Variants in PYGL observed in about 807,000 individuals in gnomAD.
PYGL encodes glycogen phosphorylase L.
Under a neutral mutation model 100.1 loss-of-function variants are expected in PYGL, and 90 were observed. That is an observed-to-expected ratio of 0.90 (90% CI 0.76 to 1.07). The LOEUF (loss-of-function observed/expected upper bound fraction) is 1.07, where lower values mean the gene tolerates loss of function less well. Among genes scored for constraint, PYGL ranks in the 50% least tolerant of loss-of-function variants. The pLI is 0.00. For synonymous variants in PYGL, 373 were observed against 393.0 expected (o/e 0.95, Z 0.60); for missense variants, 1,016 against 1,057.6 (o/e 0.96, Z 0.55).
chr14:50,935,064 T>A, intron 3 of PYGL, 43 bp downstream of exon 3: 1 of 1,548,614 alleles, frequency 6.5e-7, no homozygotes, highest in Non-Finnish European at 8.9e-7. Context: ...CTGAGATGTC[T>A]TCAATCGGCC....
At chr14:50,907,896 A>T (rs577979090) in intron 19 of PYGL, among the ~76,000 whole-genome samples, 1 of 151,998 alleles carries the variant, frequency 6.6e-6, no homozygotes, top group African/African-American at 2.4e-5. Flanking sequence ...AAATACAAAA[A>T]TTAGCTAAGT....
chr14:50,916,637 C>G lies in PYGL; in HGVS notation c.1092+5G>C, dbSNP rs748254127. The G allele has an allele frequency of 1.9e-6, 3 of 1,607,798 alleles. No individual in the cohort carries two copies. The African/African-American group carries it at 4.0e-5, about 21-fold the overall frequency. On this transcript the variant is annotated splice_donor_5th_base_variant and intron_variant, in intron 9 of 19. Transcript: ENST00000216392. ...TAAAGGAAAAAGAAGCCAAACTATCCAGACCTTGGACCAGGGCAGTTTTTC... is the reference window on the plus strand; with the variant it reads ...TAAAGGAAAAAGAAGCCAAACTATCGAGACCTTGGACCAGGGCAGTTTTTC...
chr14:50,920,624 C>A lies in PYGL; in HGVS notation c.773-1G>T. On this transcript the variant is annotated splice_acceptor_variant, in intron 6 of 19. Coordinates refer to ENST00000216392, the MANE Select transcript of PYGL (RefSeq NM_002863.5). LOFTEE classifies it high-confidence loss of function. ...GCCTGAATGTAGTCTCCAACATTAA[C>A]TAGGGGAAAGTTAGAGAAACAATAA... The A allele has an allele frequency of 6.2e-7, 1 of 1,607,944 alleles. No individual in the cohort carries two copies. The highest frequency in any genetic ancestry group is 8.5e-7 in the Non-Finnish European group (1 of 1,174,460).
At chr14:50,932,371 A>G (rs74051863) in intron 3 of PYGL, among the ~76,000 whole-genome samples, 82 of 152,334 alleles carry the variant, frequency 5.4e-4, no homozygotes, top group African/African-American at 1.9e-3. Flanking sequence ...CTGCTAAGCC[A>G]ATCATAGCAA....
intron 1 of PYGL, among the ~76,000 whole-genome samples, chr14:50,939,111 G>A (rs2050682585): frequency 6.6e-6 from 1 of 152,154 alleles, no homozygotes; most frequent in African/African-American, 2.4e-5. Flanking sequence ...CGCAATCTCA[G>A]CTCACTGCAA....
intron 4 of PYGL, among the ~76,000 whole-genome samples, chr14:50,930,773 A>C (rs1000119603): frequency 7.9e-5 from 12 of 152,296 alleles, no homozygotes; most frequent in Middle Eastern, 3.4e-3. Context: ...GGAAAGGCTC[A>C]GAGAGCTCAA....
In PYGL at chr14:50,915,550, A is replaced by G. The variant is rs114412923; in HGVS notation, c.1240-51T>C. 1,062 of 1,604,650 alleles carry G rather than the reference A, an allele frequency of 6.6e-4. 2 individuals carry two copies. Among genetic ancestry groups the G allele is most frequent in the Middle Eastern group, 5.9e-3 (36 of 6,052 alleles). The stretch of plus-strand genomic sequence containing the variant: ...GCTGGTCACTCAGGTTTAATGCAAC[A>G]TTGGGATAACGCTGTTCATGTCTTA... On this transcript the variant is annotated intron_variant, in intron 10 of 19. Transcript: ENST00000216392.
rs550148465 is a variant in PYGL at position 50,944,088 on chromosome 14, T to C, written c.243+73A>G. On this transcript the variant is annotated intron_variant, in intron 1 of 19. Transcript: ENST00000216392. The stretch of plus-strand genomic sequence containing the variant: ...GGACCACTCTGAGGGGTTCTCCACC[T>C]CGTCCCGCCCGGCCGCGGCCGGAGA... The C allele has an allele frequency of 2.3e-4, 347 of 1,513,310 alleles. 1 individual carries two copies. In the African/African-American group the frequency reaches 4.3e-3, roughly 19 times the overall value. The allele number at this position is 1,513,310 out of a possible 1,614,324, so 93.7% of individuals were successfully genotyped here.
At chr14:50,915,585 T>G in intron 10 of PYGL, 86 bp from the exon 11 acceptor site, 1 of 1,544,890 alleles carries the variant, frequency 6.5e-7, no homozygotes, top group Non-Finnish European at 8.9e-7. Context: ...AAGCAAAATC[T>G]TTGGTGTACT....
At position 50,908,257 on chromosome 14, in the gene PYGL, G is replaced by A. The variant is rs1335746951; in HGVS notation, c.2379+14C>T. On this transcript the variant is annotated intron_variant, in intron 19 of 19. Transcript: ENST00000216392. ...TAAACTGGTTTTCTTTATAAATCTT[G>A]GCAATTTACTCACCATGTACAGCTG... is the stretch of plus-strand genomic sequence containing the variant. The A allele has an allele frequency of 2.6e-6, 4 of 1,560,066 alleles. No homozygotes were observed. In the South Asian group the frequency reaches 3.3e-5, roughly 13 times the overall value.
chr14:50,911,668 T>G, intron 16 of PYGL, 62 bp downstream of exon 16: 4 of 1,599,160 alleles, frequency 2.5e-6, no homozygotes, highest in East Asian at 2.2e-5. Flanking sequence ...GCCCCATCTT[T>G]CATACCATGT....
intron 9 of PYGL, 46 bp from the exon 10 acceptor site, chr14:50,916,017 C>A: frequency 1.2e-6 from 2 of 1,612,052 alleles, no homozygotes; most frequent in Non-Finnish European, 1.7e-6. Context: ...AGGTGGGCAC[C>A]CCACTGCACG....
chr14:50,935,852 G>A (rs1287622839), intron 2 of PYGL, among the ~76,000 whole-genome samples: 1 of 152,224 alleles, frequency 6.6e-6, no homozygotes, highest in Non-Finnish European at 1.5e-5. Context: ...CTGACAGCAG[G>A]CAGGGAAACT....
chr14:50,907,182 C>T (rs992319400), intron 19 of PYGL, among the ~76,000 whole-genome samples: 4 of 152,162 alleles, frequency 2.6e-5, no homozygotes, highest in Admixed American at 1.3e-4. Flanking sequence ...ATTCACATGG[C>T]TCTACCCATC....
At chr14:50,911,916 T>A (rs746539298) in intron 15 of PYGL, 45 bp from the exon 16 acceptor site, 1 of 1,614,042 alleles carries the variant, frequency 6.2e-7, no homozygotes, top group Non-Finnish European at 8.5e-7. Context: ...GCAGCCATGA[T>A]GAAGTAGAAG....
At chr14:50,940,364 GACT>G (rs1279038212) in intron 1 of PYGL, among the ~76,000 whole-genome samples, 1 of 152,100 alleles carries the variant, frequency 6.6e-6, no homozygotes, top group Non-Finnish European at 1.5e-5. Flanking sequence ...CAGGAATAAT[GACT>G]ACATCTGTAT....
At chr14:50,913,246 C>A in intron 12 of PYGL, 116 bp from the exon 13 acceptor site, 3 of 806,790 alleles carry the variant, frequency 3.7e-6, no homozygotes, top group Non-Finnish European at 6.3e-6. Context: ...ACGTATCACA[C>A]AGAACATGGG....
In PYGL at chr14:50,911,381, G is replaced by C. The variant is rs370693709; in HGVS notation, c.1969+349C>G. Reference sequence around the variant, plus strand: ...GAAATATCTGAAGACTGGGGATTTGGTGTTCTCTTGCAAAACTGGGGCTGG... The same window carrying C: ...GAAATATCTGAAGACTGGGGATTTGCTGTTCTCTTGCAAAACTGGGGCTGG... On this transcript the variant is annotated intron_variant, in intron 16 of 19. Transcript: ENST00000216392. Among the ~76,000 whole-genome samples the C allele has an allele frequency of 7.2e-5, 11 of 152,334 alleles. No homozygotes were observed. The East Asian group carries it at 2.1e-3, about 29-fold the overall frequency.
At chr14:50,937,559 C>T (rs2050664211) in intron 2 of PYGL, among the ~76,000 whole-genome samples, 177 bp downstream of exon 2, 1 of 152,150 alleles carries the variant, frequency 6.6e-6, no homozygotes, top group African/African-American at 2.4e-5. Context: ...TCTGGTTGTT[C>T]CTCTTAAATG....
Sources: gnomAD v4.1 joint callset for allele counts (sites outside exome capture counted in the v4.1 genomes callset) on GRCh38, gnomAD v4.1.1 for gene constraint, MANE v1.5 for transcripts, NCBI Gene and HGNC (gene_info 2026-07-23, HGNC 2026-07-21) for gene names.